The following SERPINE2 variants were observed in gnomAD, a reference collection of about 807,000 sequenced individuals.
The protein encoded by SERPINE2 is glia-derived nexin.
Under a neutral mutation model 36.3 loss-of-function variants are expected in SERPINE2, and 14 were observed. That is an observed-to-expected ratio of 0.39 (90% CI 0.25 to 0.60). SERPINE2 has a LOEUF of 0.60. SERPINE2 is among the 20% of genes least tolerant of loss of function. The pLI is 0.57. For missense variants in SERPINE2, 418 were observed against 499.6 expected (o/e 0.84, Z 1.56); for synonymous variants, 192 against 191.8 (o/e 1.00, Z -0.01).
At chr2:224,027,799 T>TA (rs1692234000) in intron 1 of SERPINE2, among the ~76,000 whole-genome samples, 2 of 152,314 alleles carry the variant, frequency 1.3e-5, no homozygotes, top group African/African-American at 4.8e-5. Flanking sequence ...GTTTTGCAGA[T>TA]ACTTCTGTGC....
intron 1 of SERPINE2, among the ~76,000 whole-genome samples, chr2:224,007,119 T>C (rs1051709913): frequency 2.6e-5 from 4 of 152,228 alleles, no homozygotes; most frequent in African/African-American, 9.6e-5. Flanking sequence ...TTACATATAG[T>C]GCATGAACAA....
At position 223,975,822 on chromosome 2, in the gene SERPINE2, G is replaced by A. The variant is rs200156730; in HGVS notation, c.*45C>T. On this transcript the variant is annotated 3_prime_UTR_variant, in exon 9 of 9. Coordinates refer to ENST00000409304, the MANE Select transcript of SERPINE2 (RefSeq NM_001136528.2). ...AGATGCAGGAAAGGAGTCTTTCTTCGTAGCAAAGTAGTCGTTGCTTTGCAT... is the reference window on the plus strand; with the variant it reads ...AGATGCAGGAAAGGAGTCTTTCTTCATAGCAAAGTAGTCGTTGCTTTGCAT... 1.8e-4 allele frequency: 260 copies of A among 1,473,460 alleles called. No homozygotes were observed. Among genetic ancestry groups the A allele is most frequent in the Middle Eastern group, 9.5e-4 (5 of 5,260 alleles). The allele number at this position is 1,473,460 out of a possible 1,614,324, so 91.3% of individuals were successfully genotyped here.
At chr2:224,030,797 G>T in intron 1 of SERPINE2, 1 of 197,804 alleles carries the variant, frequency 5.1e-6, no homozygotes, top group Non-Finnish European at 9.1e-6. Context: ...CACTTGTTCT[G>T]TGATTCTGCT....
chr2:224,030,778 G>A (rs749050799), intron 1 of SERPINE2: 1 of 172,930 alleles, frequency 5.8e-6, no homozygotes, highest in Non-Finnish European at 1.2e-5. Flanking sequence ...TGTTTGAAAA[G>A]TCATGGCACA....
intron 2 of SERPINE2, 27 bp downstream of exon 2, chr2:224,001,615 C>T (rs376913728): frequency 1.7e-4 from 264 of 1,596,894 alleles, no homozygotes; most frequent in Middle Eastern, 3.6e-4. Context: ...GCAAAGGCTC[C>T]GCCAGTGAGC....
intron 3 of SERPINE2, among the ~76,000 whole-genome samples, chr2:223,997,577 G>C (rs1291834415): frequency 6.6e-6 from 1 of 152,216 alleles, no homozygotes; most frequent in Non-Finnish European, 1.5e-5. Context: ...TGGGAGAAGA[G>C]ACACTTACAA....
chr2:224,015,453 C>T (rs1416441491), intron 1 of SERPINE2, among the ~76,000 whole-genome samples: 1 of 152,190 alleles, frequency 6.6e-6, no homozygotes, highest in African/African-American at 2.4e-5. Flanking sequence ...GTATTCCAGA[C>T]AGAAGCTCTC....
intron 4 of SERPINE2, among the ~76,000 whole-genome samples, chr2:223,985,551 G>T (rs904850648): frequency 6.6e-6 from 1 of 152,184 alleles, no homozygotes; most frequent in Non-Finnish European, 1.5e-5. Context: ...ATGTGCAGGT[G>T]AAGAGAGACA....
At chr2:223,981,011 C>CA (rs1206864384) in intron 6 of SERPINE2, 1 of 152,350 alleles carries the variant, frequency 6.6e-6, no homozygotes, top group African/African-American at 2.4e-5. Flanking sequence ...CTGGTGAACT[C>CA]ACTTTACTTC....
chr2:223,995,887 T>C (rs764494678), intron 3 of SERPINE2, among the ~76,000 whole-genome samples: 3 of 152,250 alleles, frequency 2.0e-5, no homozygotes, highest in Non-Finnish European at 4.4e-5. Context: ...TATTTGAGTG[T>C]AGTTGTACCC....
chr2:224,001,037 C>T (rs746169729), intron 2 of SERPINE2, among the ~76,000 whole-genome samples: 2 of 152,042 alleles, frequency 1.3e-5, no homozygotes, highest in Admixed American at 6.5e-5. Flanking sequence ...GTCCCACGTG[C>T]CTTTCACCCA....
intron 4 of SERPINE2, among the ~76,000 whole-genome samples, chr2:223,988,832 G>A (rs1324142368): frequency 2.0e-5 from 3 of 152,158 alleles, no homozygotes; most frequent in Non-Finnish European, 4.4e-5. Context: ...TTTGTATTAT[G>A]GAATATTATG....
At chr2:224,012,031 A>C (rs941486408) in intron 1 of SERPINE2, among the ~76,000 whole-genome samples, 5 of 152,156 alleles carry the variant, frequency 3.3e-5, no homozygotes, top group Admixed American at 2.6e-4. Context: ...TAAGTGGTTG[A>C]GAGTTCACAA....
At chr2:224,007,303 GCT>G (rs752984467) in intron 1 of SERPINE2, among the ~76,000 whole-genome samples, 28 of 152,212 alleles carry the variant, frequency 1.8e-4, no homozygotes, top group Non-Finnish European at 3.5e-4. Context: ...AGTTCTCCAT[GCT>G]CTCTCATTCT....
intron 1 of SERPINE2, among the ~76,000 whole-genome samples, chr2:224,022,693 G>C (rs1692046460): frequency 6.6e-6 from 1 of 152,112 alleles, no homozygotes; most frequent in Non-Finnish European, 1.5e-5. Flanking sequence ...TAAAACAAAT[G>C]GTTTTAGTTC....
intron 4 of SERPINE2, among the ~76,000 whole-genome samples, chr2:223,987,357 C>T (rs1362002476): frequency 6.6e-5 from 10 of 152,186 alleles, no homozygotes; most frequent in African/African-American, 1.7e-4. Flanking sequence ...TGGAATATTA[C>T]GTAGCTGATA....
chr2:223,978,559 C>T (rs1167911030), intron 7 of SERPINE2: 3 of 152,254 alleles, frequency 2.0e-5, no homozygotes, highest in East Asian at 3.8e-4. Context: ...GGCCATTCCT[C>T]GTCTGCCAGG....
intron 1 of SERPINE2, among the ~76,000 whole-genome samples, chr2:224,033,279 A>C (rs1389826502): frequency 1.3e-5 from 2 of 152,184 alleles, no homozygotes; most frequent in Non-Finnish European, 2.9e-5. Flanking sequence ...TAAATGCTCT[A>C]AGTGGGAATA....
At chr2:223,982,611 C>G in intron 6 of SERPINE2, 70 bp downstream of exon 6, 1 of 933,410 alleles carries the variant, frequency 1.1e-6, no homozygotes, top group Non-Finnish European at 1.7e-6. Context: ...GATCCTTTTT[C>G]TCTGCACAAA....
Sources: allele counts gnomAD v4.1 joint callset (sites outside exome capture counted in the v4.1 genomes callset), GRCh38; gene constraint gnomAD v4.1.1; transcripts MANE v1.5; gene names NCBI Gene and HGNC (gene_info 2026-07-23, HGNC 2026-07-21).